Variants in TXK observed in about 807,000 individuals in gnomAD.
TXK encodes TXK tyrosine kinase.
A neutral mutation model predicts 81.0 loss-of-function variants in TXK; 60 were observed. That is an observed-to-expected ratio of 0.74 (90% CI 0.60 to 0.92). The LOEUF (loss-of-function observed/expected upper bound fraction) is 0.92, where lower values mean the gene tolerates loss of function less well. Ranked by LOEUF, TXK falls within the 40% of genes least tolerant of loss-of-function variation. The pLI is 0.00. For missense variants in TXK, 581 were observed against 638.3 expected (o/e 0.91, Z 0.97); for synonymous variants, 203 against 210.7 (o/e 0.96, Z 0.32).
chr4:48,110,459 A>C (rs573728878), intron 5 of TXK, 79 bp downstream of exon 5: 2 of 998,366 alleles, frequency 2.0e-6, no homozygotes, highest in African/African-American at 3.2e-5. Flanking sequence ...TTCCTTCTAC[A>C]GACCCAAAAC....
intron 2 of TXK, 45 bp downstream of exon 2, chr4:48,114,303 G>A (rs200475317): frequency 6.1e-5 from 97 of 1,594,348 alleles, no homozygotes; most frequent in East Asian, 8.9e-5. Flanking sequence ...ATAAAGAAAC[G>A]GAATTAATTA....
rs1340692829 is a variant in TXK, at chr4:48,071,550, G to A, written c.1482C>T (p.Ser494=). 1 of 1,614,000 alleles carries A rather than the reference G, an allele frequency of 6.2e-7. No homozygotes were observed. The highest frequency in any genetic ancestry group is 8.5e-7 in the Non-Finnish European group (1 of 1,180,012). Residue 494 remains serine (S), a synonymous_variant, in exon 14 of 15, where the codon TCC becomes TCT. Transcript: ENST00000264316. ...RLYRPHLAPM[S]IYEVMYSCWH... ...AGCAGCTGTACATGACTTCATATAT[G>A]GACATTGGTGCCAGGTGAGGGCGAT...
intron 6 of TXK, among the ~76,000 whole-genome samples, chr4:48,100,467 A>AG (rs1465981834): frequency 6.6e-6 from 1 of 152,234 alleles, no homozygotes; most frequent in Non-Finnish European, 1.5e-5. Context: ...TAGCATTCCC[A>AG]GAATACAGGA....
rs1171327794 is a variant in TXK, at chr4:48,112,390, A to G, written c.297T>C (p.Cys99=). 6.2e-7 allele frequency: 1 copy of G among 1,614,160 alleles called. No individual in the cohort carries two copies. The highest frequency in any genetic ancestry group is 1.1e-5 in the South Asian group (1 of 91,088). The part of the protein sequence containing the change: ...ALYDFLPREP[C]NLALRRAEEY... Reference sequence around the variant, plus strand: ...CTTCTGCTCTCCTTAAGGCTAAATTACAGGGTTCTCTGGGCAGAAAATCAT... The same window carrying G: ...CTTCTGCTCTCCTTAAGGCTAAATTGCAGGGTTCTCTGGGCAGAAAATCAT... Residue 99 remains cysteine, a synonymous_variant, in exon 4 of 15, where the codon TGT becomes TGC. Transcript: ENST00000264316.
intron 1 of TXK, among the ~76,000 whole-genome samples, chr4:48,121,145 ACTAT>A (rs1445409211): frequency 8.5e-5 from 13 of 152,252 alleles, no homozygotes; most frequent in Non-Finnish European, 1.2e-4. Context: ...CAGCTTAAAA[ACTAT>A]CTATCAGCTG....
intron 1 of TXK, among the ~76,000 whole-genome samples, chr4:48,117,107 C>T (rs1466488423): frequency 2.6e-5 from 4 of 152,174 alleles, no homozygotes; most frequent in East Asian, 3.9e-4. Flanking sequence ...AGCCTAGTCT[C>T]GGACTCCTGA....
intron 5 of TXK, among the ~76,000 whole-genome samples, chr4:48,107,438 C>T (rs55718430): frequency 0.31 from 46,350 of 151,154 alleles, 8,712 homozygotes; most frequent in Non-Finnish European, 0.41. Flanking sequence ...CAAGTCACTT[C>T]CTCAGAGCCA....
intron 6 of TXK, among the ~76,000 whole-genome samples, chr4:48,104,584 A>AATATATATTT (rs1718389960): frequency 4.1e-5 from 1 of 24,312 alleles, no homozygotes; most frequent in African/African-American, 1.3e-4. Flanking sequence ...TATATATATT[A>AATATATATTT]TATATATATA....
At chr4:48,082,666 A>G (rs891999911) in intron 10 of TXK, among the ~76,000 whole-genome samples, 6 of 152,188 alleles carry the variant, frequency 3.9e-5, no homozygotes, top group African/African-American at 1.4e-4. Flanking sequence ...GAGAACAGCC[A>G]TTCCTGTTTT....
At chr4:48,093,541 T>G (rs1169024702) in intron 8 of TXK, among the ~76,000 whole-genome samples, 1 of 152,216 alleles carries the variant, frequency 6.6e-6, no homozygotes, top group Non-Finnish European at 1.5e-5. Context: ...GAGCAATTAT[T>G]GCAAACAATG....
intron 10 of TXK, among the ~76,000 whole-genome samples, chr4:48,083,474 T>C (rs754735446): frequency 9.9e-5 from 15 of 152,242 alleles, no homozygotes; most frequent in Admixed American, 2.0e-4. Context: ...TGGGCACATA[T>C]CATCAGGACC....
chr4:48,108,504 T>A (rs867917313), intron 5 of TXK, among the ~76,000 whole-genome samples: 6 of 152,306 alleles, frequency 3.9e-5, no homozygotes, highest in South Asian at 2.1e-4. Flanking sequence ...CCCAGGTTGT[T>A]CCCATTTCTA....
intron 8 of TXK, among the ~76,000 whole-genome samples, chr4:48,090,859 C>A (rs924121646): frequency 6.6e-6 from 1 of 152,224 alleles, no homozygotes; most frequent in Non-Finnish European, 1.5e-5. Flanking sequence ...ATGACAGCTA[C>A]GCTGACGTTG....
intron 8 of TXK, among the ~76,000 whole-genome samples, chr4:48,093,725 C>A (rs1264976566): frequency 1.3e-5 from 2 of 152,044 alleles, no homozygotes; most frequent in African/African-American, 4.8e-5. Flanking sequence ...TTTATGGGGG[C>A]AAAGGGAAAG....
chr4:48,087,409 T>C (rs774461015), intron 9 of TXK, among the ~76,000 whole-genome samples: 11 of 151,920 alleles, frequency 7.2e-5, no homozygotes, highest in African/African-American at 1.7e-4. Flanking sequence ...CCCCTCCCTA[T>C]AGAAGGTATG....
At chr4:48,071,774 A>AGGCTTTG (rs1248326956) in intron 13 of TXK, 100 bp from the exon 14 acceptor site, 95 of 1,381,400 alleles carry the variant, frequency 6.9e-5, no homozygotes, top group Non-Finnish European at 8.6e-5. Context: ...TTTGTGCTCC[A>AGGCTTTG]GGCTTTGGGC....
intron 12 of TXK, among the ~76,000 whole-genome samples, chr4:48,074,666 C>T (rs1157328856): frequency 2.0e-5 from 3 of 152,082 alleles, no homozygotes; most frequent in South Asian, 2.1e-4. Context: ...AATTGTACAC[C>T]GGGATGTCCA....
chr4:48,076,570 T>C (rs753164658), intron 11 of TXK, 104 bp from the exon 12 acceptor site: 93 of 877,484 alleles, frequency 1.1e-4, no homozygotes, highest in Non-Finnish European at 1.7e-4. Flanking sequence ...TACCTCTCTG[T>C]GTGTACCGCC....
At chr4:48,070,248 G>A (rs1183273497) in intron 14 of TXK, among the ~76,000 whole-genome samples, 1 of 152,102 alleles carries the variant, frequency 6.6e-6, no homozygotes, top group Non-Finnish European at 1.5e-5. Flanking sequence ...TTGAGTCAGT[G>A]CCCAGAGGTG....
Sources: gnomAD v4.1 joint callset for allele counts (sites outside exome capture counted in the v4.1 genomes callset) on GRCh38, gnomAD v4.1.1 for gene constraint, MANE v1.5 for transcripts, NCBI Gene and HGNC (gene_info 2026-07-23, HGNC 2026-07-21) for gene names.